ABI3BP: variants seen among roughly 807,000 people sequenced by gnomAD.
The protein encoded by ABI3BP is ABI family member 3 binding protein.
In ABI3BP, 216 loss-of-function variants were observed where a neutral mutation model predicts 268.6. That is an observed-to-expected ratio of 0.80 (90% CI 0.72 to 0.90). ABI3BP has a LOEUF of 0.90. Ranked by LOEUF, ABI3BP falls within the 40% of genes least tolerant of loss-of-function variation. The pLI, the probability that ABI3BP is intolerant of heterozygous loss-of-function variation, is 0.00. For synonymous variants in ABI3BP, 730 were observed against 730.0 expected (o/e 1.00, Z 0.00); for missense variants, 2,090 against 2,182.4 (o/e 0.96, Z 0.84).
intron 9 of ABI3BP, among the ~76,000 whole-genome samples, chr3:100,873,416 G>A (rs969920049): frequency 6.6e-6 from 1 of 151,916 alleles, no homozygotes; most frequent in Non-Finnish European, 1.5e-5. Context: ...CCCCCAGTAA[G>A]TCTCCAGGGC....
At chr3:100,751,764 C>G in intron 66 of ABI3BP, 90 bp from the exon 67 acceptor site, 6 of 1,312,760 alleles carry the variant, frequency 4.6e-6, no homozygotes, top group Middle Eastern at 1.9e-4. Flanking sequence ...TTTGTACTTT[C>G]TCCCCTCATT....
chr3:100,875,944 CT>C (rs2099157482), intron 7 of ABI3BP, among the ~76,000 whole-genome samples: 1 of 152,086 alleles, frequency 6.6e-6, no homozygotes, highest in Non-Finnish European at 1.5e-5. Context: ...CTCAAAGAGC[CT>C]TTGAGTAATA....
chr3:100,864,747 G>T, intron 11 of ABI3BP, 86 bp downstream of exon 11: 2 of 954,506 alleles, frequency 2.1e-6, no homozygotes, highest in Non-Finnish European at 3.1e-6. Flanking sequence ...AGAAGTTAAG[G>T]CACCAGGTTT....
chr3:100,892,453 T>C (rs1315389908), intron 4 of ABI3BP, among the ~76,000 whole-genome samples: 1 of 152,232 alleles, frequency 6.6e-6, no homozygotes, highest in African/African-American at 2.4e-5. Flanking sequence ...AAGTATTCTT[T>C]TAATAGTATA....
chr3:100,974,252 A>C (rs1470872121), intron 1 of ABI3BP, among the ~76,000 whole-genome samples: 2 of 152,310 alleles, frequency 1.3e-5, no homozygotes, highest in East Asian at 3.9e-4. Context: ...TCTCACTCCT[A>C]GATATTTATC....
intron 54 of ABI3BP, among the ~76,000 whole-genome samples, 188 bp from the exon 55 acceptor site, chr3:100,792,956 G>A (rs1192870977): frequency 6.6e-6 from 1 of 151,868 alleles, no homozygotes; most frequent in Admixed American, 6.6e-5. Context: ...GATATCTGCT[G>A]TTTTACACTA....
rs780147310 is a variant in ABI3BP, at chr3:100,754,541, T to G, written c.4930+71A>C. 7.3e-4 allele frequency: 1,050 copies of G among 1,444,860 alleles called. 2 individuals are homozygous for G. The highest frequency in any genetic ancestry group is 9.3e-4 in the Non-Finnish European group (973 of 1,050,716). The allele number at this position is 1,444,860 out of a possible 1,614,324, so 89.5% of individuals were successfully genotyped here. Reference sequence around the variant, plus strand: ...TACATGTAGTGGGTTTCAAACAAACTTCCTACGCAAAACATTGCTCCACTG... The same window carrying G: ...TACATGTAGTGGGTTTCAAACAAACGTCCTACGCAAAACATTGCTCCACTG... On this transcript the variant is annotated intron_variant, in intron 64 of 67. Coordinates refer to ENST00000471714, the MANE Select transcript of ABI3BP (RefSeq NM_001375547.2).
chr3:100,889,750 T>C (rs563584173), intron 4 of ABI3BP, among the ~76,000 whole-genome samples: 5 of 152,162 alleles, frequency 3.3e-5, no homozygotes, highest in Admixed American at 6.6e-5. Context: ...ATTCTGTGCT[T>C]GGGCCACCTG....
chr3:100,803,829 C>G (rs2097607155), intron 51 of ABI3BP, among the ~76,000 whole-genome samples: 1 of 152,092 alleles, frequency 6.6e-6, no homozygotes, highest in African/African-American at 2.4e-5. Flanking sequence ...AAAGGAGATT[C>G]TCTCTAGCCT....
intron 1 of ABI3BP, among the ~76,000 whole-genome samples, chr3:100,974,027 C>T (rs147209924): frequency 2.8e-4 from 43 of 152,010 alleles, no homozygotes; most frequent in Admixed American, 1.4e-3. Flanking sequence ...GTATGCCTAA[C>T]GAATAGAGAT....
chr3:100,951,680 A>T (rs559667003), intron 1 of ABI3BP, among the ~76,000 whole-genome samples: 30 of 151,982 alleles, frequency 2.0e-4, no homozygotes, highest in African/African-American at 7.3e-4. Flanking sequence ...TTTTATATAC[A>T]CCTTGCTCAA....
chr3:100,897,335 A>G (rs989067605), intron 4 of ABI3BP, among the ~76,000 whole-genome samples: 2 of 152,210 alleles, frequency 1.3e-5, no homozygotes, highest in African/African-American at 4.8e-5. Context: ...ACTTATGTTT[A>G]AGAGAAATTA....
At chr3:100,767,411 G>A (rs2096327051) in intron 62 of ABI3BP, among the ~76,000 whole-genome samples, 1 of 152,050 alleles carries the variant, frequency 6.6e-6, no homozygotes, top group African/African-American at 2.4e-5. Flanking sequence ...CTGTTATCTA[G>A]TGCTGTCACT....
At chr3:100,874,250 G>T (rs1175394076) in intron 9 of ABI3BP, among the ~76,000 whole-genome samples, 1 of 152,138 alleles carries the variant, frequency 6.6e-6, no homozygotes, top group East Asian at 1.9e-4. Flanking sequence ...CCTGATGTTT[G>T]ATCAAGCTTG....
chr3:100,809,407 T>C (rs1578484870), intron 49 of ABI3BP, among the ~76,000 whole-genome samples: 1 of 152,164 alleles, frequency 6.6e-6, no homozygotes, highest in African/African-American at 2.4e-5. Context: ...CACCTGAAGG[T>C]TAGGCATGTC....
chr3:100,799,163 C>A (rs1165545029), intron 51 of ABI3BP, among the ~76,000 whole-genome samples: 1 of 152,120 alleles, frequency 6.6e-6, no homozygotes, highest in African/African-American at 2.4e-5. Flanking sequence ...TTCAAACAAT[C>A]CCTCTCTCTT....
At chr3:100,881,462 TTAAA>T (rs2039224604) in intron 6 of ABI3BP, among the ~76,000 whole-genome samples, 1 of 152,182 alleles carries the variant, frequency 6.6e-6, no homozygotes, top group African/African-American at 2.4e-5. Context: ...AAGATTTAGA[TTAAA>T]TAATTAAATT....
rs1434487601 is a variant in ABI3BP, at chr3:100,828,574, A to G, written c.2543-122T>C. On this transcript the variant is annotated intron_variant, in intron 33 of 67. Coordinates refer to ENST00000471714, the MANE Select transcript of ABI3BP (RefSeq NM_001375547.2). ...CTGTCCAGAGCACGAAGCAAACACA[A>G]TTAGCCTCCTGAGCTGGGAGAAAAT... 6.2e-6 allele frequency: 5 copies of G among 802,004 alleles called. No homozygotes were observed. In the African/African-American group the frequency reaches 7.0e-5, roughly 11 times the overall value. The allele number at this position is 802,004 out of a possible 1,614,324, so 49.7% of individuals were successfully genotyped here. A position where few individuals can be genotyped will look rare whatever the true frequency, so the allele number is the denominator to read the frequency against.
intron 9 of ABI3BP, among the ~76,000 whole-genome samples, chr3:100,870,831 T>TAC (rs921693306): frequency 6.6e-6 from 1 of 152,160 alleles, no homozygotes; most frequent in African/African-American, 2.4e-5. Context: ...GAAATTATGG[T>TAC]ACACACACAC....
Sources: allele counts gnomAD v4.1 joint callset (sites outside exome capture counted in the v4.1 genomes callset), GRCh38; gene constraint gnomAD v4.1.1; transcripts MANE v1.5; gene names NCBI Gene and HGNC (gene_info 2026-07-23, HGNC 2026-07-21).